Variants in RAPGEF5 observed in about 807,000 individuals in gnomAD.
The protein encoded by RAPGEF5 is Rap guanine nucleotide exchange factor 5, also known as M-Ras-regulated GEF.
RAPGEF5 carries 65 observed loss-of-function variants against 125.2 expected under a neutral mutation model. That is an observed-to-expected ratio of 0.52 (90% CI 0.43 to 0.64). The LOEUF is 0.64. Among genes scored for constraint, RAPGEF5 ranks in the 30% least tolerant of loss-of-function variants. The pLI, the probability that RAPGEF5 is intolerant of heterozygous loss-of-function variation, is 0.00. For synonymous variants in RAPGEF5, 391 were observed against 385.9 expected, an observed-to-expected ratio of 1.01 and a Z score of -0.16; for missense variants, 958 against 1,048.1, an observed-to-expected ratio of 0.91 and a Z score of 1.19.
intron 9 of RAPGEF5, among the ~76,000 whole-genome samples, chr7:22,197,896 G>GGGC (rs937737017): frequency 6.8e-6 from 1 of 146,360 alleles, no homozygotes; most frequent in African/African-American, 2.5e-5. Flanking sequence ...TTTTTTTTGG[G>GGGC]GGGGGGTGGT....
intron 1 of RAPGEF5, chr7:22,355,977 C>G: frequency 2.0e-6 from 2 of 985,408 alleles, no homozygotes; most frequent in Non-Finnish European, 2.4e-6. Flanking sequence ...GTAGAACCCA[C>G]CAAAGGTGCC....
chr7:22,326,779 C>T lies in RAPGEF5; in HGVS notation c.232-8742G>A, dbSNP rs1285196770. Among the ~76,000 whole-genome samples the T allele has an allele frequency of 2.6e-5, 4 of 152,228 alleles. No individual in the cohort carries two copies. In the East Asian group the frequency reaches 7.7e-4, roughly 29 times the overall value. ...TAAAGGGTACAAAGTTCTAATTATA[C>T]AAGATACACTATAAAGCAAAGCACC... is the stretch of plus-strand genomic sequence containing the variant. On this transcript the variant is annotated intron_variant, in intron 1 of 25. Coordinates refer to ENST00000665637, the MANE Select transcript of RAPGEF5 (RefSeq NM_012294.5).
At chr7:22,238,745 A>C (rs1207210071) in intron 7 of RAPGEF5, among the ~76,000 whole-genome samples, 2 of 152,202 alleles carry the variant, frequency 1.3e-5, no homozygotes, top group Non-Finnish European at 2.9e-5. Flanking sequence ...TATACCAGTG[A>C]TGTTGTAAGG....
At chr7:22,155,038 T>C (rs1783761457) in intron 16 of RAPGEF5, among the ~76,000 whole-genome samples, 1 of 152,200 alleles carries the variant, frequency 6.6e-6, no homozygotes, top group South Asian at 2.1e-4. Flanking sequence ...ATTTTTCCTT[T>C]ACACTCCATT....
intron 7 of RAPGEF5, among the ~76,000 whole-genome samples, chr7:22,245,361 G>A (rs1786449046): frequency 6.6e-6 from 1 of 151,830 alleles, no homozygotes; most frequent in Non-Finnish European, 1.5e-5. Flanking sequence ...TGTGCTTTTG[G>A]GGTCATTTCC....
At chr7:22,143,354 A>C (rs1463276021) in intron 20 of RAPGEF5, among the ~76,000 whole-genome samples, 1 of 152,122 alleles carries the variant, frequency 6.6e-6, no homozygotes, top group East Asian at 1.9e-4. Flanking sequence ...TCTCTTTGCT[A>C]CAGTTCAACG....
At chr7:22,298,109 T>A (rs1407716665) in intron 5 of RAPGEF5, among the ~76,000 whole-genome samples, 1 of 152,092 alleles carries the variant, frequency 6.6e-6, no homozygotes, top group Non-Finnish European at 1.5e-5. Context: ...CCCTTTTTCA[T>A]AACGTATTTA....
At chr7:22,318,065 G>A in intron 1 of RAPGEF5, 28 bp from the exon 2 acceptor site, 1 of 1,490,404 alleles carries the variant, frequency 6.7e-7, no homozygotes, top group Non-Finnish European at 8.9e-7. Flanking sequence ...AAAAAAAATA[G>A]TTAGAACCAA....
At chr7:22,125,850 A>C (rs988959809) in intron 24 of RAPGEF5, among the ~76,000 whole-genome samples, 192 bp from the exon 25 acceptor site, 29 of 152,200 alleles carry the variant, frequency 1.9e-4, no homozygotes, top group African/African-American at 6.5e-4. Flanking sequence ...CCTTATCTGC[A>C]AAAACAGTAG....
chr7:22,350,979 A>C (rs1784319378), intron 1 of RAPGEF5, among the ~76,000 whole-genome samples: 1 of 152,242 alleles, frequency 6.6e-6, no homozygotes, highest in South Asian at 2.1e-4. Flanking sequence ...CCTTCCTGGC[A>C]GATGCATGCC....
At chr7:22,262,601 G>C (rs1392240575) in intron 7 of RAPGEF5, among the ~76,000 whole-genome samples, 1 of 152,116 alleles carries the variant, frequency 6.6e-6, no homozygotes, top group Admixed American at 6.5e-5. Context: ...ATGAAGATAG[G>C]CTCACATATA....
chr7:22,150,515 A>T lies in RAPGEF5; in HGVS notation c.1787-11T>A. 25 of 139,564 alleles carry T rather than the reference A, an allele frequency of 1.8e-4. No homozygotes were observed. Among genetic ancestry groups the T allele is most frequent in the East Asian group, 2.8e-4 (2 of 7,176 alleles). The allele number at this position is 139,564 out of a possible 1,614,324, so 8.6% of individuals were successfully genotyped here. A position where few individuals can be genotyped will look rare whatever the true frequency, so the allele number is the denominator to read the frequency against. ...GAAGTTCATGCTTTTCTTTATTTGA[A>T]AAAAAAAAAAAAAAAAGGAATAATC... On this transcript the variant is annotated splice_polypyrimidine_tract_variant and intron_variant, in intron 17 of 25. Coordinates refer to ENST00000665637, the MANE Select transcript of RAPGEF5 (RefSeq NM_012294.5).
chr7:22,162,180 CTTAA>C (rs776946727), intron 13 of RAPGEF5, among the ~76,000 whole-genome samples: 1 of 145,630 alleles, frequency 6.9e-6, no homozygotes, highest in Non-Finnish European at 1.5e-5. Context: ...ATTTACCTTC[CTTAA>C]TTATTTCATT....
intron 9 of RAPGEF5, among the ~76,000 whole-genome samples, chr7:22,200,240 C>T (rs1025023552): frequency 9.2e-5 from 14 of 151,804 alleles, no homozygotes; most frequent in African/African-American, 2.7e-4. Flanking sequence ...GAATTTTATT[C>T]GAGAACAACC....
intron 11 of RAPGEF5, among the ~76,000 whole-genome samples, chr7:22,179,577 C>A (rs1418543240): frequency 1.3e-5 from 2 of 152,122 alleles, no homozygotes; most frequent in African/African-American, 2.4e-5. Flanking sequence ...GGGCTGCATT[C>A]CCAGAAGGTT....
intron 7 of RAPGEF5, among the ~76,000 whole-genome samples, chr7:22,263,818 A>C (rs1381074743): frequency 1.3e-5 from 2 of 152,168 alleles, no homozygotes; most frequent in Admixed American, 1.3e-4. Context: ...ATTAAAATTA[A>C]AAATTAAAAA....
intron 4 of RAPGEF5, 95 bp from the exon 5 acceptor site, chr7:22,308,602 G>C: frequency 9.8e-7 from 1 of 1,021,558 alleles, no homozygotes; most frequent in East Asian, 2.7e-5. Context: ...TAATAATTGG[G>C]AGCAATCAGG....
chr7:22,183,507 T>C (rs1784739327), intron 11 of RAPGEF5, among the ~76,000 whole-genome samples: 1 of 151,982 alleles, frequency 6.6e-6, no homozygotes, highest in African/African-American at 2.4e-5. Context: ...AAAAGATGAG[T>C]ATCAAGTTGG....
chr7:22,174,119 A>G (rs1321730938), intron 11 of RAPGEF5, among the ~76,000 whole-genome samples: 1 of 152,164 alleles, frequency 6.6e-6, no homozygotes, highest in African/African-American at 2.4e-5. Context: ...ACTGGCAGAG[A>G]GCCTGGTATA....
Sources: allele counts gnomAD v4.1 joint callset (sites outside exome capture counted in the v4.1 genomes callset), GRCh38; gene constraint gnomAD v4.1.1; transcripts MANE v1.5; gene names NCBI Gene and HGNC (gene_info 2026-07-23, HGNC 2026-07-21).